ATRNL1: variants seen among roughly 807,000 people sequenced by gnomAD.
The protein encoded by ATRNL1 is attractin-like protein 1.
Under a neutral mutation model 182.7 loss-of-function variants are expected in ATRNL1, and 95 were observed. The observed-to-expected ratio is 0.52, with a 90% CI of 0.44 to 0.62. ATRNL1 has a LOEUF of 0.62. ATRNL1 is among the 20% of genes least tolerant of loss of function. ATRNL1 has a pLI of 0.00. For synonymous variants in ATRNL1, 576 were observed against 568.3 expected, an observed-to-expected ratio of 1.01 and a Z score of -0.19; for missense variants, 1,471 against 1,679.5, an observed-to-expected ratio of 0.88 and a Z score of 2.17.
chr10:115,836,711 A>G (rs1375949840), intron 27 of ATRNL1, among the ~76,000 whole-genome samples: 4 of 152,156 alleles, frequency 2.6e-5, no homozygotes. Flanking sequence ...ATCTTAACAA[A>G]TTACATTGGC....
At chr10:115,452,509 C>G (rs1381824352) in intron 21 of ATRNL1, among the ~76,000 whole-genome samples, 4 of 151,892 alleles carry the variant, frequency 2.6e-5, no homozygotes, top group African/African-American at 9.7e-5. Context: ...TTATTGCAGT[C>G]TCCCTTTCAC....
At chr10:115,418,839 A>G (rs1187459972) in intron 20 of ATRNL1, among the ~76,000 whole-genome samples, 1 of 152,212 alleles carries the variant, frequency 6.6e-6, no homozygotes, top group Non-Finnish European at 1.5e-5. Context: ...AGAATACTAT[A>G]GGCAGAAAAG....
At chr10:115,874,282 G>A (rs987666966) in intron 28 of ATRNL1, among the ~76,000 whole-genome samples, 1 of 152,118 alleles carries the variant, frequency 6.6e-6, no homozygotes, top group South Asian at 2.1e-4. Context: ...GCTTGAAGCT[G>A]ACCTCCCTGA....
At chr10:115,903,946 G>A (rs1158562649) in intron 28 of ATRNL1, among the ~76,000 whole-genome samples, 1 of 152,106 alleles carries the variant, frequency 6.6e-6, no homozygotes, top group African/African-American at 2.4e-5. Flanking sequence ...ACCAAGACGA[G>A]GTGAAATGTG....
At chr10:115,166,543 A>G (rs1329090009) in intron 7 of ATRNL1, among the ~76,000 whole-genome samples, 4 of 151,656 alleles carry the variant, frequency 2.6e-5, no homozygotes, top group Non-Finnish European at 5.9e-5. Context: ...CAAGGGTTCC[A>G]GTTTGTCCAC....
At chr10:115,559,548 A>C (rs1853565922) in intron 26 of ATRNL1, among the ~76,000 whole-genome samples, 1 of 152,138 alleles carries the variant, frequency 6.6e-6, no homozygotes, top group Non-Finnish European at 1.5e-5. Flanking sequence ...AGAATTAGCT[A>C]TTTCTCCAAG....
At chr10:115,559,895 A>C (rs1853589839) in intron 26 of ATRNL1, among the ~76,000 whole-genome samples, 1 of 152,208 alleles carries the variant, frequency 6.6e-6, no homozygotes, top group Non-Finnish European at 1.5e-5. Flanking sequence ...CAGAGCAGTT[A>C]GGCAAAGAAA....
intron 26 of ATRNL1, among the ~76,000 whole-genome samples, chr10:115,597,021 C>T (rs1368703340): frequency 1.3e-5 from 2 of 152,024 alleles, no homozygotes; most frequent in Non-Finnish European, 2.9e-5. Flanking sequence ...TTGTTAATTT[C>T]CTTTGGTATT....
At chr10:115,779,042 T>C (rs192811543) in intron 27 of ATRNL1, among the ~76,000 whole-genome samples, 1 of 152,316 alleles carries the variant, frequency 6.6e-6, no homozygotes, top group Admixed American at 6.5e-5. Context: ...TTATTGTTCT[T>C]AAATTCCCTA....
At chr10:115,296,145 G>A (rs983321619) in intron 15 of ATRNL1, among the ~76,000 whole-genome samples, 3 of 152,160 alleles carry the variant, frequency 2.0e-5, no homozygotes, top group African/African-American at 4.8e-5. Context: ...ATGGGGGCTG[G>A]TGGGGATCTT....
intron 26 of ATRNL1, among the ~76,000 whole-genome samples, chr10:115,672,152 A>G (rs1409042934): frequency 2.0e-5 from 3 of 152,138 alleles, no homozygotes; most frequent in Non-Finnish European, 4.4e-5. Flanking sequence ...TACCATTTAT[A>G]TATGCCCAGC....
chr10:115,445,615 A>G (rs1846940134), intron 21 of ATRNL1, among the ~76,000 whole-genome samples: 1 of 151,472 alleles, frequency 6.6e-6, no homozygotes, highest in Non-Finnish European at 1.5e-5. Flanking sequence ...CTTCATAGAG[A>G]TATATTCACA....
At chr10:115,241,816 A>G in intron 10 of ATRNL1, 91 bp downstream of exon 10, 1 of 1,082,174 alleles carries the variant, frequency 9.2e-7, no homozygotes, top group Non-Finnish European at 1.3e-6. Flanking sequence ...GCATGTGTAT[A>G]TGTCATTTTA....
intron 20 of ATRNL1, among the ~76,000 whole-genome samples, chr10:115,400,762 C>T (rs1844526452): frequency 1.3e-5 from 2 of 152,144 alleles, no homozygotes; most frequent in South Asian, 4.2e-4. Context: ...AGGATTACAA[C>T]TCCTGCTTTT....
At chr10:115,688,874 A>C (rs1272634640) in intron 26 of ATRNL1, among the ~76,000 whole-genome samples, 8 of 152,088 alleles carry the variant, frequency 5.3e-5, no homozygotes, top group African/African-American at 1.9e-4. Flanking sequence ...ATCTTTGCCT[A>C]TACCAATGTC....
chr10:115,748,074 A>AT (rs1380240443), intron 27 of ATRNL1, among the ~76,000 whole-genome samples: 1 of 152,072 alleles, frequency 6.6e-6, no homozygotes, highest in Non-Finnish European at 1.5e-5. Context: ...CAAGAGCGAC[A>AT]TATTCTTTGT....
chr10:115,197,437 G>C (rs1266940719), intron 8 of ATRNL1, among the ~76,000 whole-genome samples: 1 of 151,980 alleles, frequency 6.6e-6, no homozygotes, highest in Admixed American at 6.6e-5. Flanking sequence ...TATTATTTCT[G>C]TCTTAAATGG....
rs545615640 is a variant in ATRNL1, at chr10:115,668,341, A to T, written c.3796-58907A>T. Among the ~76,000 whole-genome samples, 19 of 152,236 alleles carry T rather than the reference A, an allele frequency of 1.2e-4. 1 individual carries two copies. In the South Asian group the frequency reaches 3.9e-3, roughly 32 times the overall value. ...TTGATCCTGTTTCATCTATTCTCAA[A>T]AATTAGTTATGTTGCTTTATCTTAC... On this transcript the variant is annotated intron_variant, in intron 26 of 28. Coordinates refer to ENST00000355044, the MANE Select transcript of ATRNL1 (RefSeq NM_207303.4).
chr10:115,871,473 G>GTATATATATATATATATATA (rs1391895391), intron 28 of ATRNL1, among the ~76,000 whole-genome samples: 27 of 15,012 alleles, frequency 1.8e-3, no homozygotes, highest in African/African-American at 3.3e-3. Context: ...GATTCTTTGT[G>GTATATATATATATATATATA]TGTGTGTATA....
Sources: allele counts gnomAD v4.1 joint callset (sites outside exome capture counted in the v4.1 genomes callset), GRCh38; gene constraint gnomAD v4.1.1; transcripts MANE v1.5; gene names NCBI Gene and HGNC (gene_info 2026-07-23, HGNC 2026-07-21).